The following TMEM135 variants were observed in gnomAD, a reference collection of about 807,000 sequenced individuals.
TMEM135 encodes the protein peroxisomal membrane protein 52.
TMEM135 carries 30 observed loss-of-function variants against 60.3 expected under a neutral mutation model. The ratio of observed to expected loss-of-function variants is 0.50; its 90% CI spans 0.37 to 0.68. TMEM135 has a LOEUF of 0.68. Among genes scored for constraint, TMEM135 ranks in the 30% least tolerant of loss-of-function variants. The pLI, the probability that TMEM135 is intolerant of heterozygous loss-of-function variation, is 0.00. For synonymous variants in TMEM135, 190 were observed against 186.7 expected, an observed-to-expected ratio of 1.02 and a Z score of -0.14; for missense variants, 468 against 548.8, an observed-to-expected ratio of 0.85 and a Z score of 1.47.
At chr11:87,041,945 T>C (rs1314886910) in intron 1 of TMEM135, among the ~76,000 whole-genome samples, 2 of 152,230 alleles carry the variant, frequency 1.3e-5, no homozygotes, top group Non-Finnish European at 2.9e-5. Flanking sequence ...TTGCCATTAT[T>C]GCTAGAAATG....
At chr11:87,298,495 A>G (rs1341793988) in intron 7 of TMEM135, among the ~76,000 whole-genome samples, 1 of 152,222 alleles carries the variant, frequency 6.6e-6, no homozygotes, top group Non-Finnish European at 1.5e-5. Flanking sequence ...TAAAATATTA[A>G]ATTTTCCTTC....
At chr11:87,267,732 G>A (rs1308933510) in intron 6 of TMEM135, among the ~76,000 whole-genome samples, 1 of 151,500 alleles carries the variant, frequency 6.6e-6, no homozygotes, top group Non-Finnish European at 1.5e-5. Flanking sequence ...TCAGTCTGTT[G>A]CCCAGGCTGG....
chr11:87,311,188 C>A (rs1454002751), intron 10 of TMEM135, among the ~76,000 whole-genome samples: 1 of 150,904 alleles, frequency 6.6e-6, no homozygotes, highest in African/African-American at 2.4e-5. Flanking sequence ...AAACTCAATT[C>A]TGGAATTATT....
chr11:87,095,390 A>C (rs1857301367), intron 4 of TMEM135: 1 of 216,380 alleles, frequency 4.6e-6, no homozygotes, highest in Non-Finnish European at 1.0e-5. Context: ...GCACTTGGTC[A>C]TCAATACTTG....
At chr11:87,118,832 C>T (rs1012692679) in intron 4 of TMEM135, among the ~76,000 whole-genome samples, 10 of 152,158 alleles carry the variant, frequency 6.6e-5, no homozygotes, top group African/African-American at 2.4e-4. Context: ...CATGAACCCA[C>T]CTCTGCTAGC....
At chr11:87,070,506 C>T (rs904907455) in intron 2 of TMEM135, among the ~76,000 whole-genome samples, 5 of 151,962 alleles carry the variant, frequency 3.3e-5, no homozygotes, top group South Asian at 2.1e-4. Flanking sequence ...TGGTGGCAAG[C>T]GCCTGTAATC....
At chr11:87,257,919 C>T (rs1001901694) in intron 6 of TMEM135, among the ~76,000 whole-genome samples, 5 of 152,034 alleles carry the variant, frequency 3.3e-5, no homozygotes, top group Non-Finnish European at 7.4e-5. Context: ...ATAAATCTGG[C>T]ACATTCTTGA....
chr11:87,313,418 T>A lies in TMEM135; in HGVS notation c.937-7T>A, dbSNP rs1171283993. 6.2e-7 allele frequency: 1 copy of A among 1,606,176 alleles called. No homozygotes were observed. The highest frequency in any genetic ancestry group is 1.3e-5 in the African/African-American group (1 of 74,824). ...AACTGAAGTCATTGTATTTTCTCCT[T>A]AACTAGGGTACTAGTTGCTTCCTGC... On this transcript the variant is annotated splice_region_variant and splice_polypyrimidine_tract_variant and intron_variant, in intron 10 of 14. Transcript: ENST00000305494.
In TMEM135 at chr11:87,318,169, G is replaced by A. The variant is rs1942763695; in HGVS notation, c.1110G>A (p.Lys370=). The part of the protein sequence containing the change: ...TMYFKGIEAG[K]VPYFPHADTI... ...ATTTCAAAGGCATTGAAGCAGGGAA[G>A]GTTCCCTATTTTCCTCATGCAGATA... Residue 370 remains lysine (K), a synonymous_variant, in exon 13 of 15, where the codon AAG becomes AAA. Coordinates refer to ENST00000305494, the MANE Select transcript of TMEM135 (RefSeq NM_022918.4). The A allele has an allele frequency of 3.1e-6, 5 of 1,612,820 alleles. No homozygotes were observed. The highest frequency in any genetic ancestry group is 4.2e-6 in the Non-Finnish European group (5 of 1,179,684).
At chr11:87,143,198 C>G (rs1938314129) in intron 4 of TMEM135, among the ~76,000 whole-genome samples, 1 of 151,890 alleles carries the variant, frequency 6.6e-6, no homozygotes, top group Admixed American at 6.6e-5. Context: ...GTTGAAATTC[C>G]TTATTTATCC....
intron 12 of TMEM135, 107 bp downstream of exon 12, chr11:87,314,654 C>A: frequency 1.1e-6 from 1 of 898,190 alleles, no homozygotes; most frequent in Non-Finnish European, 1.8e-6. Flanking sequence ...AAATTTTAAT[C>A]CTCTAAAAGT....
intron 7 of TMEM135, among the ~76,000 whole-genome samples, chr11:87,300,312 A>C (rs1400045046): frequency 6.6e-6 from 1 of 152,230 alleles, no homozygotes. Flanking sequence ...AGTAGAAGTC[A>C]AAAGAATAGT....
intron 4 of TMEM135, among the ~76,000 whole-genome samples, chr11:87,140,046 T>C (rs2085432338): frequency 6.6e-6 from 1 of 151,884 alleles, no homozygotes; most frequent in African/African-American, 2.4e-5. Context: ...TTTTCAGAGT[T>C]TGTGGCTTAC....
At chr11:87,075,901 TC>T in intron 3 of TMEM135, among the ~76,000 whole-genome samples, 1 of 120,208 alleles carries the variant, frequency 8.3e-6, no homozygotes, top group East Asian at 3.1e-4. Flanking sequence ...TCTCTCTCTC[TC>T]TCTGTGTGCT....
At chr11:87,311,799 C>T (rs910126609) in intron 10 of TMEM135, among the ~76,000 whole-genome samples, 1 of 151,908 alleles carries the variant, frequency 6.6e-6, no homozygotes, top group Non-Finnish European at 1.5e-5. Context: ...CTTGTTTTTT[C>T]TGTTTCTTGG....
chr11:87,057,817 T>TGTGTGTGTG (rs34314691), intron 1 of TMEM135, among the ~76,000 whole-genome samples: 2,093 of 149,352 alleles, frequency 0.014, 54 homozygotes, highest in African/African-American at 0.049. Context: ...GTGTGTGTGT[T>TGTGTGTGTG]TGTGTGTGTG....
intron 4 of TMEM135, among the ~76,000 whole-genome samples, chr11:87,103,077 A>C (rs1329139017): frequency 6.6e-6 from 1 of 152,072 alleles, no homozygotes; most frequent in Non-Finnish European, 1.5e-5. Context: ...AATGTCTTCC[A>C]GGTTCATTAG....
intron 5 of TMEM135, among the ~76,000 whole-genome samples, chr11:87,219,193 T>C (rs1372520468): frequency 1.3e-5 from 2 of 152,212 alleles, no homozygotes; most frequent in African/African-American, 2.4e-5. Context: ...TTATCAATAC[T>C]GAGAATGGTC....
At chr11:87,103,692 T>C (rs951566221) in intron 4 of TMEM135, among the ~76,000 whole-genome samples, 1 of 152,038 alleles carries the variant, frequency 6.6e-6, no homozygotes, top group Non-Finnish European at 1.5e-5. Flanking sequence ...AGGATCTCGC[T>C]CTGTCACTCA....
Sources: allele counts gnomAD v4.1 joint callset (sites outside exome capture counted in the v4.1 genomes callset), GRCh38; gene constraint gnomAD v4.1.1; transcripts MANE v1.5; gene names NCBI Gene and HGNC (gene_info 2026-07-23, HGNC 2026-07-21).